TTC9C: variants seen among roughly 807,000 people sequenced by gnomAD.
The protein encoded by TTC9C is tetratricopeptide repeat protein 9C.
A neutral mutation model predicts 22.5 loss-of-function variants in TTC9C; 15 were observed. The observed-to-expected ratio is 0.67, with a 90% CI of 0.45 to 1.03. The LOEUF (loss-of-function observed/expected upper bound fraction) is 1.03, where lower values mean the gene tolerates loss of function less well. TTC9C is among the 50% of genes least tolerant of loss of function. TTC9C has a pLI of 0.00. For missense variants in TTC9C, 244 were observed against 214.6 expected, an observed-to-expected ratio of 1.14 and a Z score of -0.86; for synonymous variants, 92 against 86.8, an observed-to-expected ratio of 1.06 and a Z score of -0.33.
intron 1 of TTC9C, among the ~76,000 whole-genome samples, chr11:62,734,418 G>A (rs1041733088): frequency 6.6e-6 from 1 of 151,738 alleles, no homozygotes; most frequent in East Asian, 1.9e-4. Flanking sequence ...TGGCCAACAT[G>A]GTGAAACCCC....
At chr11:62,732,886 C>T (rs2083868333) in intron 1 of TTC9C, among the ~76,000 whole-genome samples, 2 of 152,106 alleles carry the variant, frequency 1.3e-5, no homozygotes, top group African/African-American at 4.8e-5. Context: ...CGTACCAGTG[C>T]ACTCCAGCCT....
chr11:62,728,504 A>G lies in TTC9C; in HGVS notation c.-345A>G, dbSNP rs998193424. ...GGAAGCCAGTGTCCCAGGCGTTCTC[A>G]CGCCCGCAACAATTCCTGAGTAGGG... On this transcript the variant is annotated 5_prime_UTR_variant, in exon 1 of 3. Coordinates refer to ENST00000316461, the MANE Select transcript of TTC9C (RefSeq NM_173810.4). 4.1e-6 allele frequency: 2 copies of G among 485,112 alleles called. No homozygotes were observed. Among genetic ancestry groups the G allele is most frequent in the African/African-American group, 3.9e-5 (2 of 51,168 alleles). 30.1% of individuals were successfully genotyped at this position (485,112 alleles called of 1,614,324 possible).
intron 1 of TTC9C, among the ~76,000 whole-genome samples, chr11:62,730,139 G>A (rs1291175968): frequency 1.3e-5 from 2 of 152,024 alleles, no homozygotes; most frequent in Non-Finnish European, 2.9e-5. Flanking sequence ...GCAATGGCAC[G>A]ATCTCGGCTC....
intron 1 of TTC9C, among the ~76,000 whole-genome samples, chr11:62,730,096 G>A (rs1022676842): frequency 6.6e-6 from 1 of 151,780 alleles, no homozygotes; most frequent in Non-Finnish European, 1.5e-5. Context: ...CTTTTTTTGA[G>A]AAGAGCTTCG....
In TTC9C at chr11:62,735,518, C is replaced by A; in HGVS notation, c.375C>A (p.Asp125Glu). 2 of 1,605,196 alleles carry A rather than the reference C, an allele frequency of 1.2e-6. No individual in the cohort carries two copies. The highest frequency in any genetic ancestry group is 1.1e-5 in the South Asian group (1 of 89,904). The part of the protein sequence containing the change: ...GVAFFHLQDY[D>E]QARHYLLAAV... ...CCTTTTTCCATCTGCAGGACTATGACCAGGCCCGCCACTACCTCCTGGCTG... is the reference window on the plus strand; with the variant it reads ...CCTTTTTCCATCTGCAGGACTATGAACAGGCCCGCCACTACCTCCTGGCTG... Residue 125 changes from aspartate (D) to glutamate (E), a missense_variant, in exon 2 of 3, where the codon GAC becomes GAA. Physicochemically the swap from Asp to Glu is conservative, Grantham distance 45 (BLOSUM62 2). Coordinates refer to ENST00000316461, the MANE Select transcript of TTC9C (RefSeq NM_173810.4).
chr11:62,735,352 C>T (rs1395549887), intron 1 of TTC9C, 30 bp from the exon 2 acceptor site: 8 of 1,610,014 alleles, frequency 5.0e-6, no homozygotes, highest in Non-Finnish European at 6.8e-6. Flanking sequence ...GCCCCTCCTA[C>T]CTCTTCTCTC....
intron 1 of TTC9C, among the ~76,000 whole-genome samples, chr11:62,730,805 T>A (rs1393414282): frequency 1.3e-5 from 2 of 152,104 alleles, no homozygotes; most frequent in Admixed American, 6.6e-5. Context: ...ACTCCCAGCC[T>A]CAGGTGATCC....
At chr11:62,737,506 T>C (rs563064566) in intron 2 of TTC9C, among the ~76,000 whole-genome samples, 2 of 152,186 alleles carry the variant, frequency 1.3e-5, no homozygotes, top group Non-Finnish European at 2.9e-5. Context: ...CATTCTGGCT[T>C]ACAATAGCCA....
chr11:62,731,425 G>T, intron 1 of TTC9C, among the ~76,000 whole-genome samples: 1 of 151,968 alleles, frequency 6.6e-6, no homozygotes, highest in East Asian at 1.9e-4. Flanking sequence ...GGCGCAACCC[G>T]GTCTCTACAA....
At chr11:62,733,054 TCAC>T (rs2083870817) in intron 1 of TTC9C, 9 of 1,000,138 alleles carry the variant, frequency 9.0e-6, no homozygotes, top group Non-Finnish European at 1.2e-5. Context: ...AATGTGCTCA[TCAC>T]TGCTGATTCT....
rs894554403 is a variant in TTC9C, at chr11:62,728,741, T to C, written c.-108T>C. 1 of 1,111,958 alleles carries C rather than the reference T, an allele frequency of 9.0e-7. No homozygotes were observed. Among genetic ancestry groups the C allele is most frequent in the Non-Finnish European group, 1.3e-6 (1 of 744,270 alleles). The allele number at this position is 1,111,958 out of a possible 1,614,324, so 68.9% of individuals were successfully genotyped here. A position where few individuals can be genotyped will look rare whatever the true frequency, so the allele number is the denominator to read the frequency against. On this transcript the variant is annotated 5_prime_UTR_variant, in exon 1 of 3. Coordinates refer to ENST00000316461, the MANE Select transcript of TTC9C (RefSeq NM_173810.4). ...GGGGACTCTCCAGGAAGAAGGGTAATTTCCTGCCTCCTTAAATTGGCTGCT... is the reference window on the plus strand; with the variant it reads ...GGGGACTCTCCAGGAAGAAGGGTAACTTCCTGCCTCCTTAAATTGGCTGCT...
rs761574323 is a variant in TTC9C, at chr11:62,728,774, G to T, written c.-75G>T. The stretch of plus-strand genomic sequence containing the variant: ...CTCCTTAAATTGGCTGCTACTGTCA[G>T]TTATTTTGCTCCCAACCCCAGAGCT... On this transcript the variant is annotated 5_prime_UTR_variant, in exon 1 of 3. Transcript: ENST00000316461. 6.8e-6 allele frequency: 10 copies of T among 1,471,048 alleles called. No homozygotes were observed. Among genetic ancestry groups the T allele is most frequent in the Non-Finnish European group, 9.5e-6 (10 of 1,053,412 alleles). 91.1% of individuals were successfully genotyped at this position (1,471,048 alleles called of 1,614,324 possible).
At position 62,728,670 on chromosome 11, in the gene TTC9C, G is replaced by C. The variant is rs1249035620; in HGVS notation, c.-179G>C. 1.4e-6 allele frequency: 1 copy of C among 705,578 alleles called. No individual in the cohort carries two copies. The highest frequency in any genetic ancestry group is 2.6e-6 in the Non-Finnish European group (1 of 388,464). 43.7% of individuals were successfully genotyped at this position (705,578 alleles called of 1,614,324 possible). On this transcript the variant is annotated 5_prime_UTR_variant, in exon 1 of 3. Coordinates refer to ENST00000316461, the MANE Select transcript of TTC9C (RefSeq NM_173810.4). ...CTTGAGAAAAAGACTGCAGAAAGGA[G>C]AGGTGGGGCTTTCAGTAGAAACAAG...
At chr11:62,732,170 T>C (rs956655951) in intron 1 of TTC9C, among the ~76,000 whole-genome samples, 3 of 151,206 alleles carry the variant, frequency 2.0e-5, no homozygotes, top group Non-Finnish European at 4.4e-5. Flanking sequence ...TAATTTTTTG[T>C]ATTTTTAGTA....
At chr11:62,737,448 C>G (rs1035770262) in intron 2 of TTC9C, among the ~76,000 whole-genome samples, 3 of 152,140 alleles carry the variant, frequency 2.0e-5, no homozygotes, top group Non-Finnish European at 4.4e-5. Flanking sequence ...AGATGAGAGA[C>G]TCATTCCTGT....
chr11:62,731,405 T>C (rs1355432704), intron 1 of TTC9C, among the ~76,000 whole-genome samples: 1 of 152,072 alleles, frequency 6.6e-6, no homozygotes, highest in East Asian at 1.9e-4. Flanking sequence ...AAGACCAGCC[T>C]GGGAAATGTG....
chr11:62,731,861 A>G (rs1460187201), intron 1 of TTC9C, among the ~76,000 whole-genome samples: 1 of 132,376 alleles, frequency 7.6e-6, no homozygotes, highest in Admixed American at 7.8e-5. Flanking sequence ...TTTTTTTTGT[A>G]TTTTTAGTAG....
At chr11:62,734,892 T>C (rs1261205715) in intron 1 of TTC9C, among the ~76,000 whole-genome samples, 7 of 152,192 alleles carry the variant, frequency 4.6e-5, no homozygotes, top group South Asian at 4.1e-4. Context: ...TTACAAGATA[T>C]ATGAATTTTT....
intron 1 of TTC9C, among the ~76,000 whole-genome samples, chr11:62,730,756 A>G (rs376833842): frequency 2.0e-4 from 30 of 151,758 alleles, no homozygotes; most frequent in African/African-American, 6.1e-4. Flanking sequence ...TATTTTTAGT[A>G]GAGATGGGAT....
Sources: allele counts gnomAD v4.1 joint callset (sites outside exome capture counted in the v4.1 genomes callset), GRCh38; gene constraint gnomAD v4.1.1; transcripts MANE v1.5; gene names NCBI Gene and HGNC (gene_info 2026-07-23, HGNC 2026-07-21).